The following AHCY variants were observed in gnomAD, a reference collection of about 807,000 sequenced individuals.
The protein encoded by AHCY is S-adenosyl-L-homocysteine hydrolase.
Under a neutral mutation model 45.4 loss-of-function variants are expected in AHCY, and 24 were observed. That is an observed-to-expected ratio of 0.53 (90% confidence interval 0.38 to 0.74). The LOEUF (loss-of-function observed/expected upper bound fraction) is 0.74. Among genes scored for constraint, AHCY ranks in the 30% least tolerant of loss-of-function variants. The pLI, the probability that AHCY is intolerant of heterozygous loss-of-function variation, is 0.00. For synonymous variants in AHCY, 245 were observed against 235.1 expected (o/e 1.04, Z -0.39); for missense variants, 449 against 594.1 (o/e 0.76, Z 2.54).
chr20:34,281,248 G>A (rs2035993370), intron 9 of AHCY, 83 bp from the exon 10 acceptor site: 5 of 1,584,540 alleles, frequency 3.2e-6, no homozygotes, highest in Admixed American at 1.7e-5. Context: ...AGAGGCAGAA[G>A]TGTTCTGTTA....
chr20:34,258,726 T>C, the AHCY span, among the ~76,000 whole-genome samples: 1 of 73,984 alleles, frequency 1.4e-5, no homozygotes, highest in African/African-American at 4.6e-5. Flanking sequence ...TATTATAAAA[T>C]ATATATAGTA....
chr20:34,283,347 T>TC (rs1176172481), intron 9 of AHCY, among the ~76,000 whole-genome samples: 1 of 152,134 alleles, frequency 6.6e-6, no homozygotes, highest in Non-Finnish European at 1.5e-5. Flanking sequence ...GATGGATGGA[T>TC]CACTCATCTC....
At chr20:34,246,056 T>C in the AHCY span, 1 of 904,916 alleles carries the variant, frequency 1.1e-6, no homozygotes, top group African/African-American at 1.7e-5. Flanking sequence ...CCCCGAATAA[T>C]TTCATCCTCC....
chr20:34,296,088 C>T (rs561678189), intron 1 of AHCY, among the ~76,000 whole-genome samples: 19 of 152,320 alleles, frequency 1.2e-4, no homozygotes, highest in African/African-American at 3.8e-4. Context: ...CTTCCCCACT[C>T]CTGATGTTTC....
chr20:34,257,070 C>CTTTTTTTT, the AHCY span, among the ~76,000 whole-genome samples: 331 of 139,014 alleles, frequency 2.4e-3, no homozygotes, highest in Admixed American at 3.2e-3. Context: ...CTTTCTTTCT[C>CTTTTTTTT]TTTTTTTTTT....
downstream of AHCY, among the ~76,000 whole-genome samples, chr20:34,279,474 C>G (rs2035945349): frequency 6.6e-6 from 1 of 151,722 alleles, no homozygotes; most frequent in Non-Finnish European, 1.5e-5. Context: ...GCCTGTCACC[C>G]AAGTGTGCAA....
chr20:34,302,968 C>G, intron 1 of AHCY: 2 of 985,452 alleles, frequency 2.0e-6, no homozygotes, highest in Non-Finnish European at 2.4e-6. Context: ...TGTGCTCTCC[C>G]GCGGAGCACG....
chr20:34,235,480 A>G, the AHCY span, among the ~76,000 whole-genome samples: 2 of 151,880 alleles, frequency 1.3e-5, no homozygotes, highest in Non-Finnish European at 2.9e-5. Flanking sequence ...ACTGAAGGCA[A>G]TGAGACTAAC....
intron 8 of AHCY, among the ~76,000 whole-genome samples, chr20:34,286,957 A>T (rs1446703655): frequency 6.6e-6 from 1 of 151,882 alleles, no homozygotes; most frequent in East Asian, 1.9e-4. Flanking sequence ...TTAGTGAGTG[A>T]ACGTGACATG....
At chr20:34,262,377 G>A in the AHCY span, among the ~76,000 whole-genome samples, 90 of 152,300 alleles carry the variant, frequency 5.9e-4, no homozygotes, top group African/African-American at 2.1e-3. Context: ...TTCAAATCAG[G>A]TCCTCCTGGC....
At chr20:34,291,600 A>AC (rs2036397756) in intron 4 of AHCY, 69 bp from the exon 5 acceptor site, 1 of 1,381,064 alleles carries the variant, frequency 7.2e-7, no homozygotes, top group Admixed American at 1.7e-5. Flanking sequence ...CCTCATCTTT[A>AC]CCCCCTAAAG....
At chr20:34,307,074 G>A (rs2036903191), upstream of AHCY, among the ~76,000 whole-genome samples, 1 of 152,020 alleles carries the variant, frequency 6.6e-6, no homozygotes, top group African/African-American at 2.4e-5. Context: ...AGCGAGCAAA[G>A]GGCATTGGGA....
the AHCY span, among the ~76,000 whole-genome samples, chr20:34,273,965 G>GA: frequency 3.1e-5 from 3 of 97,656 alleles, no homozygotes; most frequent in African/African-American, 8.4e-5. Context: ...TAGAGTCTGG[G>GA]AGGTGGCACC....
chr20:34,249,438 A>G, the AHCY span, among the ~76,000 whole-genome samples: 1 of 152,070 alleles, frequency 6.6e-6, no homozygotes, highest in Non-Finnish European at 1.5e-5. Context: ...ACTGAGTGTA[A>G]TGTAATGTTT....
intron 9 of AHCY, 93 bp downstream of exon 9, chr20:34,285,347 C>A: frequency 7.0e-7 from 1 of 1,431,842 alleles, no homozygotes; most frequent in Non-Finnish European, 9.8e-7. Context: ...AGAGGGCAGA[C>A]AGGCAAGCAC....
At chr20:34,235,861 G>GA in the AHCY span, among the ~76,000 whole-genome samples, 1 of 34,006 alleles carries the variant, frequency 2.9e-5, no homozygotes, top group African/African-American at 4.1e-4. Flanking sequence ...AGGAAGGAAG[G>GA]AAGGAAAGGA....
chr20:34,297,212 C>T (rs1601675527), intron 1 of AHCY, among the ~76,000 whole-genome samples: 2 of 152,016 alleles, frequency 1.3e-5, no homozygotes, highest in South Asian at 2.1e-4. Context: ...CAATTAAACC[C>T]GACCCTCCAC....
chr20:34,300,270 C>T (rs1313143822), intron 1 of AHCY, among the ~76,000 whole-genome samples: 1 of 152,202 alleles, frequency 6.6e-6, no homozygotes, highest in Non-Finnish European at 1.5e-5. Flanking sequence ...CTCTAACATG[C>T]CATTCTCCCC....
the AHCY span, among the ~76,000 whole-genome samples, chr20:34,238,319 C>A: frequency 6.6e-6 from 1 of 151,994 alleles, no homozygotes; most frequent in Non-Finnish European, 1.5e-5. Context: ...CCCACATGTC[C>A]CTTAGGCAGT....
Sources: gnomAD v4.1 joint callset for allele counts (sites outside exome capture counted in the v4.1 genomes callset) on GRCh38, gnomAD v4.1.1 for gene constraint, MANE v1.5 for transcripts, NCBI Gene and HGNC (gene_info 2026-07-23, HGNC 2026-07-21) for gene names.